The following PCBP3 variants were observed in gnomAD, a reference collection of about 807,000 sequenced individuals.
The protein encoded by PCBP3 is poly(rC) binding protein 3.
Under a neutral mutation model 52.7 loss-of-function variants are expected in PCBP3, and 25 were observed. The ratio of observed to expected loss-of-function variants is 0.47; its 90% CI spans 0.35 to 0.66. The LOEUF is 0.66. Among genes scored for constraint, PCBP3 ranks in the 30% least tolerant of loss-of-function variants. The pLI is 0.01. For synonymous variants in PCBP3, 162 were observed against 183.0 expected (o/e 0.89, Z 0.93); for missense variants, 391 against 490.3 (o/e 0.80, Z 1.91).
chr21:45,719,983 A>G (rs1284200830), intron 2 of PCBP3, among the ~76,000 whole-genome samples: 3 of 152,336 alleles, frequency 2.0e-5, no homozygotes, highest in African/African-American at 7.2e-5. Flanking sequence ...ATAAGCCAGC[A>G]GGACAATTGC....
At chr21:45,743,902 A>T (rs961861143) in intron 3 of PCBP3, among the ~76,000 whole-genome samples, 2 of 152,114 alleles carry the variant, frequency 1.3e-5, no homozygotes, top group Non-Finnish European at 2.9e-5. Context: ...TGCAAATGTT[A>T]TCAGCCTTCG....
chr21:45,898,197 G>A (rs1167697807), intron 6 of PCBP3, among the ~76,000 whole-genome samples: 1 of 152,180 alleles, frequency 6.6e-6, no homozygotes, highest in East Asian at 1.9e-4. Flanking sequence ...CAGCAGCAGC[G>A]GCCATGCCAC....
At chr21:45,816,110 G>A (rs72497640) in intron 4 of PCBP3, among the ~76,000 whole-genome samples, 5,761 of 119,894 alleles carry the variant, frequency 0.048, 16 homozygotes, top group Middle Eastern at 0.11. Flanking sequence ...AGTGAGTGGT[G>A]AGTGGTGAGT....
intron 3 of PCBP3, among the ~76,000 whole-genome samples, chr21:45,747,126 A>G (rs13051682): frequency 0.051 from 7,789 of 152,314 alleles, 272 homozygotes; most frequent in Non-Finnish European, 0.08. Flanking sequence ...CCTCACAATC[A>G]TGGCCAAAGA....
chr21:45,824,789 G>C (rs2093262875), intron 4 of PCBP3, among the ~76,000 whole-genome samples: 1 of 152,230 alleles, frequency 6.6e-6, no homozygotes, highest in South Asian at 2.1e-4. Flanking sequence ...CCGCTGCTTT[G>C]CTGGCTGATG....
At chr21:45,658,018 C>T (rs1173407134) in intron 1 of PCBP3, among the ~76,000 whole-genome samples, 1 of 152,150 alleles carries the variant, frequency 6.6e-6, no homozygotes, top group Non-Finnish European at 1.5e-5. Context: ...TAGCCTCTCA[C>T]CAGTAAGTAT....
chr21:45,939,534 G>A (rs2077227724), intron 16 of PCBP3, among the ~76,000 whole-genome samples: 1 of 152,262 alleles, frequency 6.6e-6, no homozygotes, highest in African/African-American at 2.4e-5. Context: ...AGGCAGCAGT[G>A]AGCTTTGCTG....
At chr21:45,718,543 C>T (rs138662274) in intron 2 of PCBP3, among the ~76,000 whole-genome samples, 123 of 152,024 alleles carry the variant, frequency 8.1e-4, no homozygotes, top group African/African-American at 2.9e-3. Context: ...TTGCTGGGCT[C>T]TTGGTTTTCA....
chr21:45,793,562 C>T lies in PCBP3; in HGVS notation c.-126+38110C>T, dbSNP rs115299884. On this transcript the variant is annotated intron_variant, in intron 4 of 17. Transcript: ENST00000681687. ...GAAGATCGTCTCCCCGAGCACAGAG[C>T]GCATCACAGGACTGACCAGTATTGA... Among the ~76,000 whole-genome samples, 886 of 152,268 alleles carry T rather than the reference C, an allele frequency of 5.8e-3. 9 individuals are homozygous for T. The highest frequency in any genetic ancestry group is 0.021 in the African/African-American group (856 of 41,556).
At chr21:45,922,821 C>A (rs1344791680) in intron 13 of PCBP3, among the ~76,000 whole-genome samples, 1 of 152,242 alleles carries the variant, frequency 6.6e-6, no homozygotes, top group African/African-American at 2.4e-5. Flanking sequence ...TTGGCCAGAG[C>A]TAATGAGCCA....
At chr21:45,781,910 T>G (rs1203774767) in intron 4 of PCBP3, among the ~76,000 whole-genome samples, 1 of 152,228 alleles carries the variant, frequency 6.6e-6, no homozygotes, top group Non-Finnish European at 1.5e-5. Flanking sequence ...TCACTGAAAG[T>G]TTATATAAAT....
chr21:45,810,296 G>C (rs1298092997), intron 4 of PCBP3, among the ~76,000 whole-genome samples: 1 of 151,392 alleles, frequency 6.6e-6, no homozygotes, highest in Non-Finnish European at 1.5e-5. Flanking sequence ...CTGGAGTGCA[G>C]TGGCACGATC....
rs144007318 is a variant in PCBP3 at position 45,645,971 on chromosome 21, C to T, written c.-279+2103C>T. ...AGATTTTGGGGCAGCTCTGATGTCT[C>T]AGCTCTCATCCCTGGTGGCAGTGAC... On this transcript the variant is annotated intron_variant, in intron 1 of 17. Transcript: ENST00000681687. 3.4e-3 allele frequency among the ~76,000 whole-genome samples: 510 copies of T among 152,162 alleles called. 2 individuals carry two copies. The highest frequency in any genetic ancestry group is 6.1e-3 in the Non-Finnish European group (412 of 68,000).
rs903401938 is a variant in PCBP3, at chr21:45,666,775, T to G, written c.-278-2099T>G. Among the ~76,000 whole-genome samples, 33 of 151,886 alleles carry G rather than the reference T, an allele frequency of 2.2e-4. 1 individual carries two copies. The highest frequency in any genetic ancestry group is 2.2e-3 in the Admixed American group (33 of 15,250). On this transcript the variant is annotated intron_variant, in intron 1 of 17. Coordinates refer to ENST00000681687, the MANE Select transcript of PCBP3 (RefSeq NM_001384156.1). ...ATGGGGTCTTGCTCTGTCTCCAGACTGGTGTGTAATAGCGCGATCTCAGCT... is the reference window on the plus strand; with the variant it reads ...ATGGGGTCTTGCTCTGTCTCCAGACGGGTGTGTAATAGCGCGATCTCAGCT...
chr21:45,927,902 A>G lies in PCBP3; in HGVS notation c.718-2015A>G, dbSNP rs570933849. Among the ~76,000 whole-genome samples, 11 of 152,164 alleles carry G rather than the reference A, an allele frequency of 7.2e-5. 1 individual carries two copies. In the South Asian group the frequency reaches 2.3e-3, roughly 32 times the overall value. On this transcript the variant is annotated intron_variant, in intron 13 of 17. Coordinates refer to ENST00000681687, the MANE Select transcript of PCBP3 (RefSeq NM_001384156.1). Reference sequence around the variant, plus strand: ...CAGGGAGCGCCCCTCCCCGTGCCCCATTCCCTGGCCATGGGGCAGCTCCTG... The same window carrying G: ...CAGGGAGCGCCCCTCCCCGTGCCCCGTTCCCTGGCCATGGGGCAGCTCCTG...
At chr21:45,936,630 C>T (rs2076925981) in intron 16 of PCBP3, among the ~76,000 whole-genome samples, 1 of 152,234 alleles carries the variant, frequency 6.6e-6, no homozygotes. Context: ...CTTCTGGCAT[C>T]CTCCTGAGTC....
At chr21:45,940,820 C>T (rs1369233368) in intron 17 of PCBP3, among the ~76,000 whole-genome samples, 3 of 151,964 alleles carry the variant, frequency 2.0e-5, no homozygotes, top group Non-Finnish European at 4.4e-5. Flanking sequence ...CAGCCAGGCA[C>T]GCTGTACCAC....
intron 3 of PCBP3, among the ~76,000 whole-genome samples, chr21:45,740,588 G>C (rs548458097): frequency 6.6e-6 from 1 of 150,818 alleles, no homozygotes; most frequent in Non-Finnish European, 1.5e-5. Context: ...AGGTGCGTGT[G>C]TGTGTGCATG....
rs911412915 is a variant in PCBP3, at chr21:45,875,170, G to A, written c.11-21038G>A. Reference sequence around the variant, plus strand: ...GGGGCCCCTCCATGTTGCGCGCTCCGGCTGACTCACCGGGGCTGGGGGCCC... The same window carrying A: ...GGGGCCCCTCCATGTTGCGCGCTCCAGCTGACTCACCGGGGCTGGGGGCCC... On this transcript the variant is annotated intron_variant, in intron 5 of 17. Transcript: ENST00000681687. Among the ~76,000 whole-genome samples, 189 of 152,142 alleles carry A rather than the reference G, an allele frequency of 1.2e-3. 1 individual carries two copies. The highest frequency in any genetic ancestry group is 4.2e-3 in the African/African-American group (173 of 41,480).
Sources: allele counts gnomAD v4.1 joint callset (sites outside exome capture counted in the v4.1 genomes callset), GRCh38; gene constraint gnomAD v4.1.1; transcripts MANE v1.5; gene names NCBI Gene and HGNC (gene_info 2026-07-23, HGNC 2026-07-21).